Variants in ITGB5 observed in about 807,000 individuals in gnomAD.
ITGB5 encodes integrin subunit beta 5, also known as integrin beta-5.
Under a neutral mutation model 84.8 loss-of-function variants are expected in ITGB5, and 38 were observed. The observed-to-expected ratio is 0.45, with a 90% confidence interval of 0.35 to 0.59. The LOEUF (loss-of-function observed/expected upper bound fraction) is 0.59, where lower values mean the gene tolerates loss of function less well. Ranked by LOEUF, ITGB5 falls within the 20% of genes least tolerant of loss-of-function variation. ITGB5 has a pLI of 0.01. For synonymous variants in ITGB5, 393 were observed against 414.4 expected (o/e 0.95, Z 0.63); for missense variants, 905 against 1,034.5 (o/e 0.87, Z 1.72).
intron 10 of ITGB5, among the ~76,000 whole-genome samples, chr3:124,779,424 A>G (rs1392302892): frequency 6.6e-6 from 1 of 151,972 alleles, no homozygotes; most frequent in Non-Finnish European, 1.5e-5. Flanking sequence ...AGCCTCCCCA[A>G]CCTCCCCCTA....
chr3:124,767,732 A>C (rs1463150257), intron 12 of ITGB5, among the ~76,000 whole-genome samples: 1 of 152,196 alleles, frequency 6.6e-6, no homozygotes, highest in Non-Finnish European at 1.5e-5. Context: ...CACCTGGCAC[A>C]CAGTAGGCGC....
At chr3:124,779,165 T>A (rs1426908027) in intron 10 of ITGB5, among the ~76,000 whole-genome samples, 1 of 151,764 alleles carries the variant, frequency 6.6e-6, no homozygotes, top group African/African-American at 2.4e-5. Context: ...GAGACCCACG[T>A]GTAGTACAGC....
upstream of ITGB5, among the ~76,000 whole-genome samples, chr3:124,890,459 C>A (rs1245042386): frequency 6.6e-6 from 1 of 152,104 alleles, no homozygotes; most frequent in African/African-American, 2.4e-5. Flanking sequence ...CCCGCCTCGG[C>A]CTCCCAAAGT....
intron 5 of ITGB5, among the ~76,000 whole-genome samples, chr3:124,828,109 C>T (rs944663186): frequency 8.5e-5 from 13 of 152,062 alleles, no homozygotes; most frequent in South Asian, 4.1e-4. Flanking sequence ...CAGGGACGTG[C>T]GTGAAACTTT....
intron 5 of ITGB5, among the ~76,000 whole-genome samples, chr3:124,830,462 A>G (rs2064844634): frequency 6.6e-6 from 1 of 152,240 alleles, no homozygotes. Flanking sequence ...CACTGCTGAG[A>G]ACCAGAGAAG....
At chr3:124,895,048 T>C (rs1935074547) in intron 1 of ITGB5, among the ~76,000 whole-genome samples, 1 of 152,030 alleles carries the variant, frequency 6.6e-6, no homozygotes, top group Non-Finnish European at 1.5e-5. Context: ...AACAAGCTTG[T>C]TCTACACAGA....
chr3:124,859,480 T>C (rs889482904), intron 2 of ITGB5, 34 bp from the exon 3 acceptor site: 18 of 1,574,620 alleles, frequency 1.1e-5, no homozygotes, highest in Non-Finnish European at 1.6e-5. Flanking sequence ...GAGCAGGAGG[T>C]GGTCAGGGTG....
chr3:124,885,515 T>G lies in ITGB5; in HGVS notation c.70+1416A>C, dbSNP rs192372390. Among the ~76,000 whole-genome samples the G allele has an allele frequency of 3.5e-3, 537 of 152,186 alleles. 6 individuals are homozygous for G. The highest frequency in any genetic ancestry group is 0.011 in the African/African-American group (471 of 41,512). On this transcript the variant is annotated intron_variant, in intron 1 of 14. Coordinates refer to ENST00000296181, the MANE Select transcript of ITGB5 (RefSeq NM_002213.5). ...CAAAATTAAAAACTACTAATATTAT[T>G]AAGAAGTATTAAAAGAAAATGTTCC... is the stretch of plus-strand genomic sequence containing the variant.
rs769074818 is a variant in ITGB5, at chr3:124,796,748, G to A, written c.1333C>T (p.Arg445Trp). 11 of 1,614,064 alleles carry A rather than the reference G, an allele frequency of 6.8e-6. No individual in the cohort carries two copies. Among genetic ancestry groups the A allele is most frequent in the South Asian group, 4.4e-5 (4 of 91,048 alleles). The change falls in exon 10 of 15, where the codon CGG (arginine) becomes TGG (tryptophan). Residue 445 changes from arginine (R) to tryptophan (W), a missense_variant. By Grantham distance (101) the Arg-to-Trp change is moderately radical (BLOSUM62 -3). Around this residue, in one of 3 missense-constraint regions of ITGB5, gnomAD observed 656 missense variants for 734.7 expected, o/e 0.89. Coordinates refer to ENST00000296181, the MANE Select transcript of ITGB5 (RefSeq NM_002213.5). ...AGGCTGTCCCGGAATCCCACCGGCC[G>A]CAGGGCAAACACATGCTCCGTGTGT... Reference protein sequence around the residue: ...SRHTEHVFALRPVGFRDSLEV... With the variant: ...SRHTEHVFALWPVGFRDSLEV...
chr3:124,896,084 A>G (rs1019261892), intron 1 of ITGB5, among the ~76,000 whole-genome samples: 1 of 152,232 alleles, frequency 6.6e-6, no homozygotes, highest in African/African-American at 2.4e-5. Context: ...TGCATAGAAG[A>G]CGGAATGCCT....
chr3:124,762,126 G>A lies in ITGB5; in HGVS notation c.*1497C>T, dbSNP rs532274689. On this transcript the variant is annotated 3_prime_UTR_variant, in exon 15 of 15. Transcript: ENST00000296181. ...AAGATGAAGGAAACTCAATCTGTTC[G>A]TATTTGCCCCAGGTAATAGGTTCTA... is the stretch of plus-strand genomic sequence containing the variant. 1.3e-5 allele frequency: 2 copies of A among 152,278 alleles called. No individual in the cohort carries two copies. The highest frequency in any genetic ancestry group is 2.1e-4 in the South Asian group (1 of 4,828). 9.4% of individuals were successfully genotyped at this position (152,278 alleles called of 1,614,324 possible).
intron 2 of ITGB5, among the ~76,000 whole-genome samples, chr3:124,869,791 A>T (rs2065448633): frequency 6.6e-6 from 1 of 152,204 alleles, no homozygotes; most frequent in Admixed American, 6.5e-5. Flanking sequence ...GGCTGGGGTG[A>T]TAACAAGCTC....
At chr3:124,829,965 A>G (rs2064836282) in intron 5 of ITGB5, among the ~76,000 whole-genome samples, 1 of 152,190 alleles carries the variant, frequency 6.6e-6, no homozygotes, top group Non-Finnish European at 1.5e-5. Context: ...GAGATGGAAG[A>G]CCAGCCCTTC....
chr3:124,779,891 C>T (rs898555644), intron 10 of ITGB5, among the ~76,000 whole-genome samples: 1 of 152,122 alleles, frequency 6.6e-6, no homozygotes, highest in East Asian at 1.9e-4. Context: ...CACAGACTTC[C>T]ACAGTTAAAG....
intron 3 of ITGB5, among the ~76,000 whole-genome samples, chr3:124,854,693 G>A (rs2065199784): frequency 6.6e-6 from 1 of 152,200 alleles, no homozygotes; most frequent in African/African-American, 2.4e-5. Flanking sequence ...GGTGTTGACT[G>A]TACAACCTTG....
chr3:124,871,493 C>T (rs982739276), intron 2 of ITGB5, among the ~76,000 whole-genome samples: 2 of 152,050 alleles, frequency 1.3e-5, no homozygotes, highest in Admixed American at 6.6e-5. Flanking sequence ...CGCGCCTGGC[C>T]GAATTGATTC....
At chr3:124,872,917 T>C (rs1283188833) in intron 2 of ITGB5, among the ~76,000 whole-genome samples, 1 of 152,216 alleles carries the variant, frequency 6.6e-6, no homozygotes, top group Non-Finnish European at 1.5e-5. Flanking sequence ...TATTGCTTTA[T>C]GATACCAATA....
At chr3:124,886,889 T>A (rs6438861) in intron 1 of ITGB5, 42 bp downstream of exon 1, 20 of 1,176,148 alleles carry the variant, frequency 1.7e-5, no homozygotes, top group Non-Finnish European at 2.1e-5. Flanking sequence ...CGGCTGAGTG[T>A]GCGACAAAGT....
chr3:124,858,221 C>T (rs528407186), intron 3 of ITGB5, among the ~76,000 whole-genome samples: 14 of 151,654 alleles, frequency 9.2e-5, no homozygotes, highest in Non-Finnish European at 1.5e-4. Context: ...CTTTATATTA[C>T]ATTATAAGTA....
Sources: allele counts gnomAD v4.1 joint callset (sites outside exome capture counted in the v4.1 genomes callset), GRCh38; gene constraint gnomAD v4.1.1; regional missense constraint gnomAD v4.1.1; transcripts MANE v1.5; gene names NCBI Gene and HGNC (gene_info 2026-07-23, HGNC 2026-07-21).